ATAD2: variants seen among roughly 807,000 people sequenced by gnomAD.
ATAD2 encodes the protein ATPase family AAA domain containing 2.
In ATAD2, 62 loss-of-function variants were observed where a neutral mutation model predicts 168.9. That is an observed-to-expected ratio of 0.37 (90% CI 0.30 to 0.45). The LOEUF (loss-of-function observed/expected upper bound fraction) is 0.45. ATAD2 is among the 20% of genes least tolerant of loss of function. The pLI, the probability that ATAD2 is intolerant of heterozygous loss-of-function variation, is 1.00. For missense variants in ATAD2, 1,419 were observed against 1,667.8 expected (o/e 0.85, Z 2.60); for synonymous variants, 613 against 571.6 (o/e 1.07, Z -1.03).
chr8:123,362,034 GGAAGGATCACTT>G (rs2131367897), intron 8 of ATAD2, among the ~76,000 whole-genome samples: 1 of 152,156 alleles, frequency 6.6e-6, no homozygotes, highest in East Asian at 1.9e-4. Context: ...AGACCGAGGG[GGAAGGATCACTT>G]GACAGGTGTT....
intron 16 of ATAD2, among the ~76,000 whole-genome samples, 161 bp from the exon 17 acceptor site, chr8:123,346,911 A>T (rs1828263104): frequency 6.6e-6 from 1 of 152,212 alleles, no homozygotes; most frequent in Non-Finnish European, 1.5e-5. Flanking sequence ...TGCACCCCAA[A>T]CTTACAATAA....
rs907233182 is a variant in ATAD2 at position 123,357,594 on chromosome 8, A to T, written c.1525T>A (p.Ser509Thr). ...AACAGCAATCGTAGCTGTCTTTCAG[A>T]TTCTCCTACCCATTTACTTAGACAA... The part of the protein sequence containing the change: ...ADCLSKWVGE[S>T]ERQLRLLFDQ... The change falls in exon 12 of 28, where the codon TCT (serine) becomes ACT (threonine). Residue 509 changes from serine (S) to threonine (T), a missense_variant. Ser to Thr is a moderately conservative substitution (Grantham distance 58, BLOSUM62 1). Around this residue, in one of 5 missense-constraint regions of ATAD2, gnomAD observed 6 missense variants for 26.9 expected, o/e 0.22. Coordinates refer to ENST00000287394, the MANE Select transcript of ATAD2 (RefSeq NM_014109.4). 3 of 1,613,508 alleles carry T rather than the reference A, an allele frequency of 1.9e-6. No individual in the cohort carries two copies. The highest frequency in any genetic ancestry group is 2.5e-6 in the Non-Finnish European group (3 of 1,179,832).
chr8:123,354,210 T>C (rs1374358807), intron 13 of ATAD2, among the ~76,000 whole-genome samples: 1 of 152,202 alleles, frequency 6.6e-6, no homozygotes, highest in Non-Finnish European at 1.5e-5. Flanking sequence ...AAAATATTAT[T>C]ACCTAATGAC....
intron 2 of ATAD2, among the ~76,000 whole-genome samples, chr8:123,374,258 C>G (rs1404094407): frequency 2.6e-5 from 4 of 152,160 alleles, no homozygotes; most frequent in Admixed American, 2.6e-4. Flanking sequence ...GAGCCTGAGG[C>G]AGGAGAATCA....
In ATAD2 at chr8:123,321,072, G is replaced by T. The variant is rs1827454847; in HGVS notation, c.*62C>A. Reference sequence around the variant, plus strand: ...GGTTTCATACTACATCAATTAGGCGGACATGACAAAAATGACTTAAATAGG... The same window carrying T: ...GGTTTCATACTACATCAATTAGGCGTACATGACAAAAATGACTTAAATAGG... On this transcript the variant is annotated 3_prime_UTR_variant, in exon 28 of 28. Coordinates refer to ENST00000287394, the MANE Select transcript of ATAD2 (RefSeq NM_014109.4). The T allele has an allele frequency of 2.1e-6, 3 of 1,439,692 alleles. No homozygotes were observed. Among genetic ancestry groups the T allele is most frequent in the Non-Finnish European group, 2.9e-6 (3 of 1,035,042 alleles). The allele number at this position is 1,439,692 out of a possible 1,614,324, so 89.2% of individuals were successfully genotyped here. A position where few individuals can be genotyped will look rare whatever the true frequency, so the allele number is the denominator to read the frequency against.
At chr8:123,379,096 C>A (rs1378069038) in intron 2 of ATAD2, among the ~76,000 whole-genome samples, 3 of 152,094 alleles carry the variant, frequency 2.0e-5, no homozygotes, top group African/African-American at 4.8e-5. Context: ...CAGTGCCCAG[C>A]CAAAACAATT....
At position 123,369,982 on chromosome 8, in the gene ATAD2, CCATCATCTTCAT is replaced by C. The variant is rs774555856; in HGVS notation, c.758_769del (p.His253_Gly257delinsArg). ...ATCATCTTCATCATCTTCATCTTCACCATCATCTTCATGTTCTTGGTCTTCACCCTCTTCAGA... is the reference window on the plus strand; with the variant it reads ...ATCATCTTCATCATCTTCATCTTCACGTTCTTGGTCTTCACCCTCTTCAGA... On this transcript the variant is annotated inframe_deletion, in exon 7 of 28. Coordinates refer to ENST00000287394, the MANE Select transcript of ATAD2 (RefSeq NM_014109.4). 6.3e-7 allele frequency: 1 copy of C among 1,586,834 alleles called. No individual in the cohort carries two copies. The highest frequency in any genetic ancestry group is 8.6e-7 in the Non-Finnish European group (1 of 1,158,008).
intron 26 of ATAD2, among the ~76,000 whole-genome samples, chr8:123,325,566 A>T (rs953686505): frequency 6.6e-6 from 1 of 151,332 alleles, no homozygotes. Context: ...GATTACAGGC[A>T]TGAGTCACTG....
chr8:123,396,446 C>G lies in ATAD2; in HGVS notation c.-89G>C, dbSNP rs1485396639. ...CTCTGGCTCTTCCGCGCTCCGAATT[C>G]TGGCGCCACAAGCTCCGCGCCAGCG... On this transcript the variant is annotated 5_prime_UTR_variant, in exon 1 of 28. Transcript: ENST00000287394. The G allele has an allele frequency of 7.4e-7, 1 of 1,354,112 alleles. No homozygotes were observed. The highest frequency in any genetic ancestry group is 1.5e-5 in the African/African-American group (1 of 65,188). The allele number at this position is 1,354,112 out of a possible 1,614,324, so 83.9% of individuals were successfully genotyped here. A position where few individuals can be genotyped will look rare whatever the true frequency, so the allele number is the denominator to read the frequency against.
At chr8:123,322,090 T>C (rs532612546) in intron 27 of ATAD2, among the ~76,000 whole-genome samples, 2 of 150,912 alleles carry the variant, frequency 1.3e-5, no homozygotes, top group East Asian at 3.9e-4. Context: ...CAGGTTCAAG[T>C]GATTCTCATG....
chr8:123,329,276 C>G (rs1356808659), intron 24 of ATAD2, among the ~76,000 whole-genome samples: 3 of 152,128 alleles, frequency 2.0e-5, no homozygotes, highest in Non-Finnish European at 4.4e-5. Flanking sequence ...AACTATCTTA[C>G]TACATTGCCT....
intron 14 of ATAD2, among the ~76,000 whole-genome samples, 175 bp from the exon 15 acceptor site, chr8:123,348,448 A>G (rs935850447): frequency 6.6e-6 from 1 of 152,130 alleles, no homozygotes; most frequent in Non-Finnish European, 1.5e-5. Context: ...AGGCCGAGGC[A>G]GGTGGATCAC....
At chr8:123,400,244 C>A (rs906344229), upstream of ATAD2, among the ~76,000 whole-genome samples, 5 of 152,134 alleles carry the variant, frequency 3.3e-5, no homozygotes, top group African/African-American at 1.2e-4. This position sits in a 1 kb window ranked among gnomAD's most constrained non-coding sequence, Gnocchi z 4.5. Flanking sequence ...AAGGAATCAG[C>A]CGATCAAAAA....
intron 8 of ATAD2, among the ~76,000 whole-genome samples, chr8:123,362,358 A>G (rs1198421132): frequency 6.6e-6 from 1 of 151,626 alleles, no homozygotes; most frequent in East Asian, 1.9e-4. Context: ...TCAATATTAC[A>G]CTATACATAA....
Position 123,339,398 on chromosome 8 carries a change from A to G in ATAD2, c.2767T>C (p.Leu923=). The G allele has an allele frequency of 3.1e-6, 5 of 1,601,970 alleles. No individual in the cohort carries two copies. The highest frequency in any genetic ancestry group is 4.3e-6 in the Non-Finnish European group (5 of 1,173,914). Residue 923 remains leucine, a synonymous_variant, in exon 20 of 28, where the codon TTA becomes CTA. Transcript: ENST00000287394. ...RDYGEIFNVQ[L]PDKEERTKFF... is the part of the protein sequence containing the mutation. ...TTTGTCCGTTCTTCTTTATCCGGTAACTGGACATTAAAAATCTCTCCATAA... is the reference window on the plus strand; with the variant it reads ...TTTGTCCGTTCTTCTTTATCCGGTAGCTGGACATTAAAAATCTCTCCATAA...
chr8:123,359,407 A>G, intron 10 of ATAD2, 71 bp from the exon 11 acceptor site: 1 of 1,259,904 alleles, frequency 7.9e-7, no homozygotes, highest in Non-Finnish European at 1.1e-6. Context: ...CACACCATAC[A>G]CAGTCAATGA....
chr8:123,367,231 T>C (rs1476945146), intron 8 of ATAD2, among the ~76,000 whole-genome samples: 1 of 151,968 alleles, frequency 6.6e-6, no homozygotes, highest in East Asian at 1.9e-4. Context: ...CTGGCCTATA[T>C]GGTGAAAACC....
Position 123,331,646 on chromosome 8 carries a change from A to G in ATAD2, c.3478+2232T>C, listed in dbSNP as rs187845384. On this transcript the variant is annotated intron_variant, in intron 24 of 27. Transcript: ENST00000287394. ...ATCTATGTTACATAACAAACAATTC[A>G]ACTTTATCTTAGAAGGTTATGACTT... 3.3e-4 allele frequency among the ~76,000 whole-genome samples: 51 copies of G among 152,332 alleles called. 1 individual carries two copies. The highest frequency in any genetic ancestry group is 1.2e-3 in the African/African-American group (48 of 41,582).
intron 6 of ATAD2, 115 bp downstream of exon 6, chr8:123,370,788 T>G: frequency 1.4e-6 from 1 of 705,742 alleles, no homozygotes; most frequent in Non-Finnish European, 2.3e-6. Context: ...ACCAATCCTC[T>G]GATCTCTCAC....
Sources: allele counts gnomAD v4.1 joint callset (sites outside exome capture counted in the v4.1 genomes callset), GRCh38; gene constraint gnomAD v4.1.1; regional missense constraint gnomAD v4.1.1; non-coding constraint Gnocchi (gnomAD v3.1); transcripts MANE v1.5; gene names NCBI Gene and HGNC (gene_info 2026-07-23, HGNC 2026-07-21).